Variants in STX3 observed in about 807,000 individuals in gnomAD.
STX3 encodes syntaxin 3.
STX3 carries 19 observed loss-of-function variants against 40.2 expected under a neutral mutation model. That is an observed-to-expected ratio of 0.47 (90% CI 0.33 to 0.69). The LOEUF (loss-of-function observed/expected upper bound fraction) is 0.69, where lower values mean the gene tolerates loss of function less well. STX3 is among the 30% of genes least tolerant of loss of function. The pLI is 0.02. For missense variants in STX3, 364 were observed against 366.7 expected, an observed-to-expected ratio of 0.99 and a Z score of 0.06; for synonymous variants, 122 against 132.2, an observed-to-expected ratio of 0.92 and a Z score of 0.53.
At chr11:59,766,954 A>G (rs988524774) in intron 1 of STX3, among the ~76,000 whole-genome samples, 8 of 152,170 alleles carry the variant, frequency 5.3e-5, no homozygotes, top group East Asian at 1.9e-4. Flanking sequence ...TAGGGGCTCT[A>G]TGGGGTTGCA....
intron 5 of STX3, among the ~76,000 whole-genome samples, chr11:59,791,422 T>C (rs190439683): frequency 1.4e-3 from 213 of 152,222 alleles, no homozygotes; most frequent in African/African-American, 4.9e-3. Flanking sequence ...GGCAGTATAT[T>C]AGGAGGATTA....
intron 6 of STX3, among the ~76,000 whole-genome samples, chr11:59,792,491 T>C (rs962715416): frequency 6.6e-6 from 1 of 152,184 alleles, no homozygotes; most frequent in Non-Finnish European, 1.5e-5. Context: ...GTGGACTCAT[T>C]GTATCATTTT....
At chr11:59,771,412 C>G (rs1188097455) in intron 1 of STX3, among the ~76,000 whole-genome samples, 14 of 118,806 alleles carry the variant, frequency 1.2e-4, no homozygotes, top group African/African-American at 4.9e-4. Context: ...CTCCCCCCCC[C>G]CGCCCGCCCA....
intron 10 of STX3, among the ~76,000 whole-genome samples, chr11:59,797,721 T>C (rs79892981): frequency 0.11 from 16,856 of 152,194 alleles, 1,383 homozygotes; most frequent in African/African-American, 0.22. Context: ...GTTGGGTACA[T>C]CTCTGTCTTG....
intron 1 of STX3, among the ~76,000 whole-genome samples, chr11:59,757,367 T>C (rs957387939): frequency 6.6e-6 from 1 of 152,140 alleles, no homozygotes; most frequent in African/African-American, 2.4e-5. Flanking sequence ...GGCTCTTCCA[T>C]TTATTAGGAA....
At chr11:59,769,175 A>G (rs1863426360) in intron 1 of STX3, among the ~76,000 whole-genome samples, 1 of 152,150 alleles carries the variant, frequency 6.6e-6, no homozygotes, top group African/African-American at 2.4e-5. Flanking sequence ...AGTGAGTAGC[A>G]TGTGATGGAC....
At chr11:59,781,200 T>G in intron 2 of STX3, 1 of 715,774 alleles carries the variant, frequency 1.4e-6, no homozygotes, top group South Asian at 1.8e-5. Flanking sequence ...ATGATAAAGA[T>G]AATTGAACAC....
chr11:59,797,396 T>C lies in STX3; in HGVS notation c.*30T>C, dbSNP rs1374409908. On this transcript the variant is annotated splice_region_variant and 3_prime_UTR_variant, in exon 10 of 11. Coordinates refer to ENST00000337979, the MANE Select transcript of STX3 (RefSeq NM_004177.5). The stretch of plus-strand genomic sequence containing the variant: ...GGCCTAAGAGGCTGCTGCACTGAAA[T>C]GTAAGTAAACGAGTGGTTCTTGGGG... 3 of 1,612,148 alleles carry C rather than the reference T, an allele frequency of 1.9e-6. No homozygotes were observed. The highest frequency in any genetic ancestry group is 2.7e-5 in the African/African-American group (2 of 74,852).
chr11:59,758,252 A>G (rs1200849907), intron 1 of STX3, among the ~76,000 whole-genome samples: 2 of 152,146 alleles, frequency 1.3e-5, no homozygotes, highest in African/African-American at 2.4e-5. Flanking sequence ...GAAGGAAGCA[A>G]GAAGCTTGTT....
chr11:59,802,546 A>G lies in STX3; in HGVS notation c.*1722A>G, dbSNP rs1865927433. 1.0e-6 allele frequency: 1 copy of G among 985,912 alleles called. No homozygotes were observed. The highest frequency in any genetic ancestry group is 1.2e-6 in the Non-Finnish European group (1 of 829,944). 61.1% of individuals were successfully genotyped at this position (985,912 alleles called of 1,614,324 possible). ...ATGGGCTCCAGCAACAAGAGACAAA[A>G]TAACTAAAGGCCTTTGCTCTCCTCT... is the stretch of plus-strand genomic sequence containing the variant. On this transcript the variant is annotated 3_prime_UTR_variant, in exon 11 of 11. Coordinates refer to ENST00000337979, the MANE Select transcript of STX3 (RefSeq NM_004177.5).
intron 5 of STX3, among the ~76,000 whole-genome samples, chr11:59,790,844 G>A (rs888516312): frequency 3.9e-5 from 6 of 152,208 alleles, no homozygotes; most frequent in East Asian, 1.9e-4. Flanking sequence ...AGGATTTAGC[G>A]TGCCTTCTTG....
intron 1 of STX3, among the ~76,000 whole-genome samples, chr11:59,769,683 T>G (rs1863467627): frequency 6.6e-6 from 1 of 152,218 alleles, no homozygotes; most frequent in African/African-American, 2.4e-5. Flanking sequence ...TACGTCATGA[T>G]GGAGTGATAA....
intron 2 of STX3, among the ~76,000 whole-genome samples, chr11:59,779,681 C>T (rs1336293097): frequency 6.6e-6 from 1 of 152,068 alleles, no homozygotes; most frequent in Non-Finnish European, 1.5e-5. Context: ...TTGAGCAACA[C>T]GTGGTCCTAG....
At position 59,801,464 on chromosome 11, in the gene STX3, G is replaced by C. The variant is rs1308824949; in HGVS notation, c.*640G>C. 1.0e-6 allele frequency: 1 copy of C among 986,270 alleles called. No individual in the cohort carries two copies. Among genetic ancestry groups the C allele is most frequent in the African/African-American group, 1.7e-5 (1 of 57,208 alleles). The allele number at this position is 986,270 out of a possible 1,614,324, so 61.1% of individuals were successfully genotyped here. On this transcript the variant is annotated 3_prime_UTR_variant, in exon 11 of 11. Transcript: ENST00000337979. ...TGGGGGGCAACTTTGATTTTTCTCT[G>C]TGTTGTAGTCTCTCATATTTACTCA...
Position 59,755,392 on chromosome 11 carries a change from G to A in STX3, c.-214G>A, listed in dbSNP as rs919077063. ...CCGGGAGCCGGATTTGGAGCGCGAG[G>A]CGCCGGTGGGGGCGGAGGGGGCTGC... On this transcript the variant is annotated 5_prime_UTR_variant, in exon 1 of 11. Coordinates refer to ENST00000337979, the MANE Select transcript of STX3 (RefSeq NM_004177.5). 2 of 384,674 alleles carry A rather than the reference G, an allele frequency of 5.2e-6. No homozygotes were observed. The highest frequency in any genetic ancestry group is 2.5e-4 in the South Asian group (2 of 8,134). The allele number at this position is 384,674 out of a possible 1,614,324, so 23.8% of individuals were successfully genotyped here.
intron 2 of STX3, among the ~76,000 whole-genome samples, chr11:59,776,776 A>G (rs1863988039): frequency 6.6e-6 from 1 of 152,148 alleles, no homozygotes; most frequent in South Asian, 2.1e-4. Context: ...TAGCTTCTTG[A>G]TCGTTGGAAA....
intron 3 of STX3, among the ~76,000 whole-genome samples, chr11:59,788,369 T>C (rs987327408): frequency 2.0e-5 from 3 of 152,216 alleles, no homozygotes; most frequent in Non-Finnish European, 4.4e-5. Flanking sequence ...AAAGTTGTAG[T>C]AGGGGCTGAA....
intron 2 of STX3, among the ~76,000 whole-genome samples, chr11:59,785,217 A>T (rs191845913): frequency 2.6e-5 from 4 of 152,250 alleles, no homozygotes; most frequent in Admixed American, 2.0e-4. Context: ...AAACTCTGGC[A>T]CATCTAAGCC....
At chr11:59,794,506 C>G (rs1435999782) in intron 8 of STX3, among the ~76,000 whole-genome samples, 2 of 152,130 alleles carry the variant, frequency 1.3e-5, no homozygotes, top group Non-Finnish European at 2.9e-5. Flanking sequence ...ATGCTTTCCC[C>G]CCATTCCCTA....
Sources: allele counts gnomAD v4.1 joint callset (sites outside exome capture counted in the v4.1 genomes callset), GRCh38; gene constraint gnomAD v4.1.1; transcripts MANE v1.5; gene names NCBI Gene and HGNC (gene_info 2026-07-23, HGNC 2026-07-21).